KMT2A: variants seen among roughly 807,000 people sequenced by gnomAD.
The protein encoded by KMT2A is histone-lysine N-methyltransferase 2A.
KMT2A carries 16 observed loss-of-function variants against 345.3 expected under a neutral mutation model. The observed-to-expected ratio is 0.05, with a 90% CI of 0.03 to 0.07. KMT2A has a LOEUF of 0.07. Among genes scored for constraint, KMT2A ranks in the 10% least tolerant of loss-of-function variants. KMT2A has a pLI of 1.00. For missense variants in KMT2A, 3,272 were observed against 4,841.6 expected (o/e 0.68, Z 9.62); for synonymous variants, 1,599 against 1,778.6 (o/e 0.90, Z 2.54).
chr11:118,504,392 T>C lies in KMT2A; in HGVS notation c.8500T>C (p.Ser2834Pro), dbSNP rs539596480. The change falls in exon 27 of 36, where the codon TCA becomes CCA. Residue 2834 changes from serine to proline, a missense_variant. Coordinates refer to ENST00000534358, the MANE Select transcript of KMT2A (RefSeq NM_001197104.2). This position sits in a 1 kb window ranked among gnomAD's most constrained non-coding sequence, Gnocchi z 6.4. ...CACCTATAATACTGAGCTCCTGAAA[T>C]CAGATTCAGACAATAACAACAGTGA... is the stretch of plus-strand genomic sequence containing the variant. ...LDTYNTELLK[S>P]DSDNNNSDDC... 2.5e-6 allele frequency: 4 copies of C among 1,614,104 alleles called. No individual in the cohort carries two copies. In the East Asian group the frequency reaches 8.9e-5, roughly 36 times the overall value.
At chr11:118,451,178 C>T (rs1034632301) in intron 1 of KMT2A, among the ~76,000 whole-genome samples, 3 of 151,552 alleles carry the variant, frequency 2.0e-5, no homozygotes, top group African/African-American at 4.8e-5. Context: ...TGGAGACGTC[C>T]CTTCCCTCAT....
intron 7 of KMT2A, 82 bp downstream of exon 7, chr11:118,482,174 C>T (rs191329636): frequency 1.1e-4 from 157 of 1,430,594 alleles, no homozygotes; most frequent in Admixed American, 7.9e-4. Flanking sequence ...CATTTGAAAG[C>T]AGGAAATGTA....
chr11:118,525,904 G>A lies in KMT2A; in HGVS notation c.*3732G>A, dbSNP rs1394892939. The A allele has an allele frequency of 4.5e-6, 1 of 224,500 alleles. No homozygotes were observed. Among genetic ancestry groups the A allele is most frequent in the Non-Finnish European group, 8.9e-6 (1 of 112,916 alleles). 13.9% of individuals were successfully genotyped at this position (224,500 alleles called of 1,614,324 possible). ...GTTATGGAGCAGATGGTTTTGTGCC[G>A]AATCATGAATACTAGTCAAGTCACA... is the stretch of plus-strand genomic sequence containing the variant. On this transcript the variant is annotated 3_prime_UTR_variant, in exon 36 of 36. Coordinates refer to ENST00000534358, the MANE Select transcript of KMT2A (RefSeq NM_001197104.2).
intron 1 of KMT2A, among the ~76,000 whole-genome samples, chr11:118,446,560 T>G (rs910543977): frequency 3.3e-5 from 5 of 152,232 alleles, no homozygotes; most frequent in African/African-American, 9.6e-5. Context: ...TGTCTTTAAG[T>G]CCTTTCTCTT....
Position 118,523,288 on chromosome 11 carries a change from G to A in KMT2A, c.*1116G>A, listed in dbSNP as rs1319081463. On this transcript the variant is annotated 3_prime_UTR_variant, in exon 36 of 36. Transcript: ENST00000534358. ...ACATAGGAAGACTTAATTTTTAAAC[G>A]GTCAGTGTCCAGTTGAAGGCAGAAC... 4.4e-6 allele frequency: 1 copy of A among 228,518 alleles called. No individual in the cohort carries two copies. Among genetic ancestry groups the A allele is most frequent in the East Asian group, 6.3e-5 (1 of 15,952 alleles). The allele number at this position is 228,518 out of a possible 1,614,324, so 14.2% of individuals were successfully genotyped here.
At chr11:118,489,127 G>C (rs782523334) in intron 11 of KMT2A, among the ~76,000 whole-genome samples, 1 of 151,422 alleles carries the variant, frequency 6.6e-6, no homozygotes, top group Admixed American at 6.6e-5. Flanking sequence ...GGAGGCTGAG[G>C]GAGGAAAATC....
intron 1 of KMT2A, among the ~76,000 whole-genome samples, chr11:118,444,134 C>T (rs2017122): frequency 0.041 from 6,285 of 152,210 alleles, 185 homozygotes; most frequent in South Asian, 0.067. Context: ...TTTCTTTAGG[C>T]TGTCCTTTAT....
At chr11:118,467,556 C>T (rs1218170818) in intron 1 of KMT2A, among the ~76,000 whole-genome samples, 2 of 152,130 alleles carry the variant, frequency 1.3e-5, no homozygotes, top group Non-Finnish European at 2.9e-5. Context: ...AAATGTTTTG[C>T]TCCTCTAAAG....
intron 1 of KMT2A, among the ~76,000 whole-genome samples, chr11:118,465,271 C>T (rs984067641): frequency 6.6e-6 from 1 of 152,040 alleles, no homozygotes; most frequent in Non-Finnish European, 1.5e-5. Flanking sequence ...GAAGGGCACC[C>T]ATTTTTCTTC....
chr11:118,447,559 T>C, intron 1 of KMT2A: 1 of 345,354 alleles, frequency 2.9e-6, no homozygotes, highest in East Asian at 9.0e-5. Flanking sequence ...GGGATGGCAT[T>C]ATCTTTTATG....
chr11:118,492,966 T>C, intron 15 of KMT2A, 91 bp from the exon 16 acceptor site: 2 of 964,232 alleles, frequency 2.1e-6, no homozygotes, highest in Non-Finnish European at 1.6e-6. Flanking sequence ...ATATTAATCA[T>C]TCAGTACCAT....
rs1201087894 is a variant in KMT2A, at chr11:118,520,289, T to A, written c.11429+225T>A. On this transcript the variant is annotated intron_variant, in intron 33 of 35. Transcript: ENST00000534358. This position sits in a 1 kb window ranked among gnomAD's most constrained non-coding sequence, Gnocchi z 4.3. ...GTAAGATGCCTGTTTTCTTTAATGA[T>A]AGTATACTCTGTCAGCTTTGGTTGT... 1.9e-6 allele frequency: 1 copy of A among 526,752 alleles called. No individual in the cohort carries two copies. The highest frequency in any genetic ancestry group is 3.4e-6 in the Non-Finnish European group (1 of 298,390). 32.6% of individuals were successfully genotyped at this position (526,752 alleles called of 1,614,324 possible). A position where few individuals can be genotyped will look rare whatever the true frequency, so the allele number is the denominator to read the frequency against.
In KMT2A at chr11:118,524,234, A is replaced by G. The variant is rs1591315511; in HGVS notation, c.*2062A>G. ...AGTCTGACCACTCACGATAAAGCAG[A>G]TTTTTCTCTGCCTCTGCCACAAGGT... On this transcript the variant is annotated 3_prime_UTR_variant, in exon 36 of 36. Transcript: ENST00000534358. The G allele has an allele frequency of 5.5e-6, 1 of 183,362 alleles. No homozygotes were observed. The highest frequency in any genetic ancestry group is 2.4e-5 in the African/African-American group (1 of 42,478). The allele number at this position is 183,362 out of a possible 1,614,324, so 11.4% of individuals were successfully genotyped here.
rs1555047578 is a variant in KMT2A, at chr11:118,505,096, G to T, written c.9204G>T (p.Gln3068His). The T allele has an allele frequency of 1.9e-6, 3 of 1,614,050 alleles. No individual in the cohort carries two copies. The African/African-American group carries it at 4.0e-5, about 22-fold the overall frequency. Residue 3068 changes from glutamine to histidine, a missense_variant, in exon 27 of 36, where the codon CAG becomes CAT. Transcript: ENST00000534358. This position sits in a 1 kb window ranked among gnomAD's most constrained non-coding sequence, Gnocchi z 4.6. ...GPSQISNAAVQTTPPHLKPAT... is the reference protein window; with the variant it reads ...GPSQISNAAVHTTPPHLKPAT... ...CTCAGATTTCCAATGCAGCTGTCCA[G>T]ACCACTCCACCCCACCTGAAGCCAG... is the stretch of plus-strand genomic sequence containing the variant.
At position 118,521,562 on chromosome 11, in the gene KMT2A, C is replaced by T. The variant is rs1555053570; in HGVS notation, c.11643+145C>T. 1 of 1,056,122 alleles carries T rather than the reference C, an allele frequency of 9.5e-7. No homozygotes were observed. Among genetic ancestry groups the T allele is most frequent in the Non-Finnish European group, 1.3e-6 (1 of 750,946 alleles). The allele number at this position is 1,056,122 out of a possible 1,614,324, so 65.4% of individuals were successfully genotyped here. ...AATAAACTCTGAAATTTGTGAGGGG[C>T]CCAGTAAAAATACAGAATCCACTCT... On this transcript the variant is annotated intron_variant, in intron 35 of 35. Transcript: ENST00000534358. This position sits in a 1 kb window ranked among gnomAD's most constrained non-coding sequence, Gnocchi z 5.3.
At position 118,436,952 on chromosome 11, in the gene KMT2A, G is replaced by A; in HGVS notation, c.432+8G>A. On this transcript the variant is annotated splice_region_variant and intron_variant, in intron 1 of 35. Coordinates refer to ENST00000534358, the MANE Select transcript of KMT2A (RefSeq NM_001197104.2). The surrounding 1 kb of genome is among the most constrained non-coding windows in gnomAD (Gnocchi z 6.9). ...GGAGGCGGCAGCGGAGAGGTAAGGG[G>A]GCGAGGAACCCCCAGGTCCGGGGTC... 1 of 1,478,654 alleles carries A rather than the reference G, an allele frequency of 6.8e-7. No individual in the cohort carries two copies. The highest frequency in any genetic ancestry group is 9.0e-7 in the Non-Finnish European group (1 of 1,107,468). 91.6% of individuals were successfully genotyped at this position (1,478,654 alleles called of 1,614,324 possible). A position where few individuals can be genotyped will look rare whatever the true frequency, so the allele number is the denominator to read the frequency against.
intron 24 of KMT2A, 173 bp from the exon 25 acceptor site, chr11:118,500,814 A>G: frequency 2.3e-6 from 1 of 426,176 alleles, no homozygotes; most frequent in Non-Finnish European, 4.1e-6. Flanking sequence ...CAAGGACTTC[A>G]AAAAGCTTGG....
At chr11:118,464,407 T>C (rs1211256029) in intron 1 of KMT2A, among the ~76,000 whole-genome samples, 2 of 152,084 alleles carry the variant, frequency 1.3e-5, no homozygotes, top group Admixed American at 1.3e-4. Context: ...TAGTAGTGCA[T>C]GCCTGTAGTC....
chr11:118,518,013 A>T (rs1025062109), intron 31 of KMT2A, among the ~76,000 whole-genome samples: 1 of 152,114 alleles, frequency 6.6e-6, no homozygotes, highest in African/African-American at 2.4e-5. Flanking sequence ...TACATCTCTA[A>T]ATATGCTTCA....
Sources: allele counts gnomAD v4.1 joint callset (sites outside exome capture counted in the v4.1 genomes callset), GRCh38; gene constraint gnomAD v4.1.1; non-coding constraint Gnocchi (gnomAD v3.1); transcripts MANE v1.5; gene names NCBI Gene and HGNC (gene_info 2026-07-23, HGNC 2026-07-21).